The following SLC44A1 variants were observed in gnomAD, a reference collection of about 807,000 sequenced individuals.
SLC44A1 encodes solute carrier family 44 member 1.
In SLC44A1, 26 loss-of-function variants were observed where a neutral mutation model predicts 79.3. The observed-to-expected ratio is 0.33, with a 90% CI of 0.24 to 0.46. SLC44A1 has a LOEUF of 0.46. Among genes scored for constraint, SLC44A1 ranks in the 20% least tolerant of loss-of-function variants. The probability of loss-of-function intolerance (pLI) is 1.00; values close to 1 mark genes in which losing one functional copy is unlikely to be tolerated. For synonymous variants in SLC44A1, 263 were observed against 286.2 expected (o/e 0.92, Z 0.82); for missense variants, 688 against 798.1 (o/e 0.86, Z 1.66).
intron 5 of SLC44A1, among the ~76,000 whole-genome samples, chr9:105,352,195 T>C (rs1459034966): frequency 6.6e-6 from 1 of 152,228 alleles, no homozygotes; most frequent in Non-Finnish European, 1.5e-5. Context: ...AATTCCTGCC[T>C]TTACTGTACT....
chr9:105,248,136 G>T (rs1039051508), intron 1 of SLC44A1, among the ~76,000 whole-genome samples: 1 of 152,206 alleles, frequency 6.6e-6, no homozygotes, highest in Non-Finnish European at 1.5e-5. Context: ...CTGCAGTTCA[G>T]TTTAGCTTTT....
chr9:105,371,289 G>A (rs1394637963), intron 12 of SLC44A1, among the ~76,000 whole-genome samples: 6 of 152,218 alleles, frequency 3.9e-5, no homozygotes, highest in African/African-American at 1.2e-4. Flanking sequence ...TTCTCTGTGA[G>A]GGACCAGAGA....
intron 1 of SLC44A1, among the ~76,000 whole-genome samples, chr9:105,254,515 G>A (rs1349019147): frequency 2.0e-5 from 3 of 152,136 alleles, no homozygotes; most frequent in Admixed American, 2.0e-4. Flanking sequence ...TGGTGACTGG[G>A]TAGGCAGCCA....
chr9:105,369,425 G>A (rs1828035675), intron 12 of SLC44A1, among the ~76,000 whole-genome samples: 2 of 151,970 alleles, frequency 1.3e-5, no homozygotes, highest in African/African-American at 4.8e-5. Flanking sequence ...TTTTAAATAA[G>A]GGCACTAATC....
At chr9:105,354,412 A>G (rs972683337) in intron 5 of SLC44A1, among the ~76,000 whole-genome samples, 11 of 152,188 alleles carry the variant, frequency 7.2e-5, no homozygotes, top group African/African-American at 1.4e-4. Flanking sequence ...AAGGTATTCT[A>G]TAATTTAATA....
In SLC44A1 at chr9:105,416,248, TAAG is replaced by T. The variant is rs542442934; in HGVS notation, c.1951-22026_1951-22024del. 1.6e-4 allele frequency among the ~76,000 whole-genome samples: 23 copies of T among 148,372 alleles called. 1 individual carries two copies. In the East Asian group the frequency reaches 2.8e-3, roughly 18 times the overall value. ...GTTCTCTGTTATTGTTTTATGGAAA[TAAG>T]AAGAAGCTAATTCTTATCTGACATC... is the stretch of plus-strand genomic sequence containing the variant. On this transcript the variant is annotated intron_variant, in intron 15 of 15. Transcript: ENST00000374724.
At chr9:105,334,770 C>T (rs573207744) in intron 3 of SLC44A1, among the ~76,000 whole-genome samples, 8 of 152,212 alleles carry the variant, frequency 5.3e-5, no homozygotes, top group Admixed American at 1.3e-4. Flanking sequence ...CATGCTTTGG[C>T]GTGCTTTCTA....
chr9:105,323,527 A>C (rs1826466797), intron 3 of SLC44A1, among the ~76,000 whole-genome samples: 1 of 152,210 alleles, frequency 6.6e-6, no homozygotes, highest in Non-Finnish European at 1.5e-5. Context: ...ATCATAAATC[A>C]TGTATACTCC....
Position 105,365,470 on chromosome 9 carries a change from A to T in SLC44A1, c.1254-13A>T. 1 of 1,604,604 alleles carries T rather than the reference A, an allele frequency of 6.2e-7. No homozygotes were observed. Among genetic ancestry groups the T allele is most frequent in the Admixed American group, 1.7e-5 (1 of 59,424 alleles). Reference sequence around the variant, plus strand: ...CTTTGTTTTAATTGTCTTTTTGGTCATTTTTTAAATAGGGATAAAAGGAAT... The same window carrying T: ...CTTTGTTTTAATTGTCTTTTTGGTCTTTTTTTAAATAGGGATAAAAGGAAT... On this transcript the variant is annotated splice_polypyrimidine_tract_variant and intron_variant, in intron 10 of 15. Coordinates refer to ENST00000374720, the MANE Select transcript of SLC44A1 (RefSeq NM_080546.5).
rs1019879031 is a variant in SLC44A1, at chr9:105,415,376, G to C, written c.1951-22905G>C. The stretch of plus-strand genomic sequence containing the variant: ...TCAGAATCTCTGCAGCCAGCAGACA[G>C]AAATCTGCATTTTAACAAACCCCAA... On this transcript the variant is annotated intron_variant, in intron 15 of 15. Transcript: ENST00000374724. 2.3e-4 allele frequency among the ~76,000 whole-genome samples: 35 copies of C among 152,354 alleles called. 1 individual carries two copies. The highest frequency in any genetic ancestry group is 1.8e-3 in the Admixed American group (28 of 15,300).
At chr9:105,398,907 C>T (rs868707155), downstream of SLC44A1, among the ~76,000 whole-genome samples, 28 of 152,144 alleles carry the variant, frequency 1.8e-4, no homozygotes, top group African/African-American at 6.5e-4. Context: ...ACATAAAATA[C>T]GCTAACACTA....
Position 105,393,351 on chromosome 9 carries a change from C to A in SLC44A1, c.*4295C>A, listed in dbSNP as rs2131487421. On this transcript the variant is annotated 3_prime_UTR_variant, in exon 16 of 16. Coordinates refer to ENST00000374720, the MANE Select transcript of SLC44A1 (RefSeq NM_080546.5). ...AGTCCAAATTTTTAAAAAGCAAGAC[C>A]CTTGAATATGCCAAGAGAAAATCTA... is the stretch of plus-strand genomic sequence containing the variant. The A allele has an allele frequency of 1.0e-6, 1 of 985,054 alleles. No homozygotes were observed. The highest frequency in any genetic ancestry group is 5.2e-4 in the Middle Eastern group (1 of 1,912). 61.0% of individuals were successfully genotyped at this position (985,054 alleles called of 1,614,324 possible).
intron 15 of SLC44A1, among the ~76,000 whole-genome samples, chr9:105,414,943 AAGG>A (rs1829147766): frequency 6.6e-6 from 1 of 152,174 alleles, no homozygotes; most frequent in Non-Finnish European, 1.5e-5. Context: ...TTGATGAGAA[AAGG>A]AGATTTTTTT....
At chr9:105,303,192 A>G (rs1284936479) in intron 2 of SLC44A1, among the ~76,000 whole-genome samples, 1 of 152,152 alleles carries the variant, frequency 6.6e-6, no homozygotes, top group Non-Finnish European at 1.5e-5. Flanking sequence ...CCACTTTATT[A>G]GTAGATACCT....
At chr9:105,335,917 T>A (rs1826903520) in intron 4 of SLC44A1, among the ~76,000 whole-genome samples, 1 of 152,204 alleles carries the variant, frequency 6.6e-6, no homozygotes, top group African/African-American at 2.4e-5. Context: ...TGGGTCTTTG[T>A]GCTCTGGAAG....
intron 1 of SLC44A1, among the ~76,000 whole-genome samples, chr9:105,245,284 C>G (rs1829408293): frequency 6.6e-6 from 1 of 152,108 alleles, no homozygotes; most frequent in Non-Finnish European, 1.5e-5. Flanking sequence ...CCTGGCTCCT[C>G]TCTTCCACCT....
Position 105,394,866 on chromosome 9 carries a change from C to T in SLC44A1, c.*5810C>T, listed in dbSNP as rs1487611333. On this transcript the variant is annotated 3_prime_UTR_variant, in exon 16 of 16. Coordinates refer to ENST00000374720, the MANE Select transcript of SLC44A1 (RefSeq NM_080546.5). ...AGTGTTTTCCAGTCACCCACTAGAG[C>T]AGCTTCAGATTCCTCTGCCAATAGA... 2.3e-5 allele frequency: 23 copies of T among 985,308 alleles called. No homozygotes were observed. The highest frequency in any genetic ancestry group is 2.8e-5 in the Non-Finnish European group (23 of 829,962). 61.0% of individuals were successfully genotyped at this position (985,308 alleles called of 1,614,324 possible).
chr9:105,366,208 G>A lies in SLC44A1; in HGVS notation c.1411-138G>A, dbSNP rs752021193. Reference sequence around the variant, plus strand: ...TAATTCAGTCATTATGTTTTAAGGAGAAAGTGGACAAGTATGGAGGCTTTG... The same window carrying A: ...TAATTCAGTCATTATGTTTTAAGGAAAAAGTGGACAAGTATGGAGGCTTTG... On this transcript the variant is annotated intron_variant, in intron 11 of 15. Coordinates refer to ENST00000374720, the MANE Select transcript of SLC44A1 (RefSeq NM_080546.5). 189 of 431,632 alleles carry A rather than the reference G, an allele frequency of 4.4e-4. 1 individual carries two copies. Among genetic ancestry groups the A allele is most frequent in the Non-Finnish European group, 6.5e-4 (158 of 242,784 alleles). The allele number at this position is 431,632 out of a possible 1,614,324, so 26.7% of individuals were successfully genotyped here. A position where few individuals can be genotyped will look rare whatever the true frequency, so the allele number is the denominator to read the frequency against.
rs754029304 is a variant in SLC44A1 at position 105,383,076 on chromosome 9, T to G, written c.1633-47T>G. ...CTGCAAATGGTGAAAAAAGAGTGGC[T>G]TTCTTCAGTAGGATATTAAATATGA... On this transcript the variant is annotated intron_variant, in intron 13 of 15. Coordinates refer to ENST00000374720, the MANE Select transcript of SLC44A1 (RefSeq NM_080546.5). The G allele has an allele frequency of 2.9e-6, 4 of 1,374,954 alleles. No homozygotes were observed. In the African/African-American group the frequency reaches 4.3e-5, roughly 15 times the overall value. 85.2% of individuals were successfully genotyped at this position (1,374,954 alleles called of 1,614,324 possible).
Sources: allele counts gnomAD v4.1 joint callset (sites outside exome capture counted in the v4.1 genomes callset), GRCh38; gene constraint gnomAD v4.1.1; transcripts MANE v1.5; gene names NCBI Gene and HGNC (gene_info 2026-07-23, HGNC 2026-07-21).